Variants in KCTD16 observed in about 807,000 individuals in gnomAD.
The protein encoded by KCTD16 is potassium channel tetramerization domain containing 16.
Under a neutral mutation model 33.2 loss-of-function variants are expected in KCTD16, and 13 were observed. The observed-to-expected ratio is 0.39, with a 90% confidence interval of 0.25 to 0.62. The LOEUF is 0.62. Ranked by LOEUF, KCTD16 falls within the 20% of genes least tolerant of loss-of-function variation. KCTD16 has a pLI of 0.50. For missense variants in KCTD16, 441 were observed against 525.1 expected, an observed-to-expected ratio of 0.84 and a Z score of 1.57; for synonymous variants, 197 against 195.3, an observed-to-expected ratio of 1.01 and a Z score of -0.07.
chr5:144,250,937 TTATTATATATATGTATA>T (rs1361454620), intron 3 of KCTD16, among the ~76,000 whole-genome samples: 14 of 152,162 alleles, frequency 9.2e-5, no homozygotes, highest in Admixed American at 8.5e-4. Context: ...ACTTTTACAA[TTATTATATATATGTATA>T]TATGTTTTAA....
At chr5:144,433,995 A>C (rs868271268) in intron 3 of KCTD16, among the ~76,000 whole-genome samples, 20 of 152,290 alleles carry the variant, frequency 1.3e-4, no homozygotes, top group African/African-American at 4.6e-4. Context: ...CTTGCCACAC[A>C]CCAACTTCAC....
rs561054287 is a variant in KCTD16, at chr5:144,426,584, G to A, written c.833-47076G>A. Among the ~76,000 whole-genome samples the A allele has an allele frequency of 1.1e-4, 16 of 151,964 alleles. No individual in the cohort carries two copies. The South Asian group carries it at 3.1e-3, about 30-fold the overall frequency. The stretch of plus-strand genomic sequence containing the variant: ...CACTACCAATTTTCTGGCTTAGCTT[G>A]TTTTCTGCTACTGTAACACAGTATT... On this transcript the variant is annotated intron_variant, in intron 3 of 3. Transcript: ENST00000512467.
At chr5:144,430,885 T>C (rs566651193) in intron 3 of KCTD16, among the ~76,000 whole-genome samples, 1 of 152,272 alleles carries the variant, frequency 6.6e-6, no homozygotes, top group East Asian at 1.9e-4. Context: ...TTTCATTTTA[T>C]AGTGCTGTGC....
chr5:144,290,640 T>C (rs1197550496), intron 3 of KCTD16, among the ~76,000 whole-genome samples: 1 of 152,196 alleles, frequency 6.6e-6, no homozygotes, highest in Non-Finnish European at 1.5e-5. Context: ...ATCAATGATG[T>C]CCCTTATTGA....
Position 144,336,659 on chromosome 5 carries a change from G to C in KCTD16, c.832+129113G>C, listed in dbSNP as rs77589698. ...TGCCAGGTTTCAACAGTAGGCACTT[G>C]GTAAGCCTGTTTCTAAGATTTCTGG... On this transcript the variant is annotated intron_variant, in intron 3 of 3. Coordinates refer to ENST00000512467, the MANE Select transcript of KCTD16 (RefSeq NM_020768.4). 9.7e-4 allele frequency among the ~76,000 whole-genome samples: 147 copies of C among 152,206 alleles called. 3 individuals carry two copies. In the East Asian group the frequency reaches 0.027, roughly 28 times the overall value.
intron 2 of KCTD16, among the ~76,000 whole-genome samples, chr5:144,184,344 C>T (rs1472410898): frequency 2.6e-5 from 4 of 152,150 alleles, no homozygotes; most frequent in Non-Finnish European, 1.5e-5. Context: ...GCTTATTTCA[C>T]TTAGCATAAT....
At chr5:144,267,330 C>T (rs1755171946) in intron 3 of KCTD16, among the ~76,000 whole-genome samples, 1 of 152,092 alleles carries the variant, frequency 6.6e-6, no homozygotes, top group Admixed American at 6.5e-5. Flanking sequence ...AATGATTGTT[C>T]AAACCTAGGG....
At chr5:144,180,377 C>A (rs1420057413) in intron 2 of KCTD16, among the ~76,000 whole-genome samples, 1 of 152,086 alleles carries the variant, frequency 6.6e-6, no homozygotes, top group Admixed American at 6.6e-5. Context: ...TAGTTCATTT[C>A]CTTAAATTCT....
At chr5:144,388,680 T>C (rs1440647445) in intron 3 of KCTD16, among the ~76,000 whole-genome samples, 1 of 152,194 alleles carries the variant, frequency 6.6e-6, no homozygotes, top group Non-Finnish European at 1.5e-5. Context: ...TAGAAAGAAG[T>C]TGTTTTTAAG....
chr5:144,280,820 G>A (rs753690510), intron 3 of KCTD16, among the ~76,000 whole-genome samples: 1 of 151,784 alleles, frequency 6.6e-6, no homozygotes, highest in Non-Finnish European at 1.5e-5. Flanking sequence ...CCAGCTACTC[G>A]GGAGGCTGAG....
chr5:144,376,863 T>C (rs1033333068), intron 3 of KCTD16, among the ~76,000 whole-genome samples: 3 of 152,200 alleles, frequency 2.0e-5, no homozygotes, highest in Non-Finnish European at 4.4e-5. Context: ...ACTGTAAAGA[T>C]GAGAACTGGT....
chr5:144,395,850 G>A (rs1356399195), intron 3 of KCTD16, among the ~76,000 whole-genome samples: 2 of 152,172 alleles, frequency 1.3e-5, no homozygotes, highest in African/African-American at 4.8e-5. Flanking sequence ...CAGGATGTCT[G>A]TCAGCCTCTA....
At chr5:144,347,004 C>T (rs1040316551) in intron 3 of KCTD16, among the ~76,000 whole-genome samples, 1 of 151,794 alleles carries the variant, frequency 6.6e-6, no homozygotes, top group African/African-American at 2.4e-5. Flanking sequence ...ATATTTAAGT[C>T]TTTAATCATT....
At chr5:144,357,854 G>C (rs1324689954) in intron 3 of KCTD16, among the ~76,000 whole-genome samples, 1 of 152,076 alleles carries the variant, frequency 6.6e-6, no homozygotes, top group Non-Finnish European at 1.5e-5. Context: ...CCTTGTTAAA[G>C]TGTGCTCCAA....
chr5:144,267,475 G>T (rs1332950186), intron 3 of KCTD16, among the ~76,000 whole-genome samples: 1 of 152,190 alleles, frequency 6.6e-6, no homozygotes, highest in Non-Finnish European at 1.5e-5. Flanking sequence ...CACTTGCTAT[G>T]TGAGGCTCTT....
At chr5:144,230,494 G>A (rs1052321019) in intron 3 of KCTD16, among the ~76,000 whole-genome samples, 3 of 152,172 alleles carry the variant, frequency 2.0e-5, no homozygotes, top group Non-Finnish European at 4.4e-5. Flanking sequence ...AGTTGAGTGA[G>A]TTTTCAATTA....
At chr5:144,201,651 G>C (rs1250842397) in intron 2 of KCTD16, among the ~76,000 whole-genome samples, 1 of 152,152 alleles carries the variant, frequency 6.6e-6, no homozygotes, top group African/African-American at 2.4e-5. Context: ...CCATACCCTG[G>C]CTCAGAGACA....
At chr5:144,299,077 TG>T (rs1561558236) in intron 3 of KCTD16, among the ~76,000 whole-genome samples, 3 of 82,040 alleles carry the variant, frequency 3.7e-5, no homozygotes, top group East Asian at 3.2e-4. Flanking sequence ...TATATATTTT[TG>T]TATATATATA....
intron 3 of KCTD16, among the ~76,000 whole-genome samples, chr5:144,354,279 A>G (rs180936635): frequency 1.3e-5 from 2 of 152,306 alleles, no homozygotes; most frequent in Admixed American, 1.3e-4. Flanking sequence ...TTTATTATAT[A>G]TGTGTACCAT....
Sources: allele counts gnomAD v4.1 joint callset (sites outside exome capture counted in the v4.1 genomes callset), GRCh38; gene constraint gnomAD v4.1.1; transcripts MANE v1.5; gene names NCBI Gene and HGNC (gene_info 2026-07-23, HGNC 2026-07-21).